The following HSD17B1 variants were observed in gnomAD, a reference collection of about 807,000 sequenced individuals.
HSD17B1 encodes the protein 17-beta-hydroxysteroid dehydrogenase type 1.
A neutral mutation model predicts 22.7 loss-of-function variants in HSD17B1; 16 were observed. The observed-to-expected ratio is 0.71, with a 90% CI of 0.48 to 1.07. The LOEUF is 1.07. Ranked by LOEUF, HSD17B1 falls within the 50% of genes least tolerant of loss-of-function variation. The probability of loss-of-function intolerance (pLI) is 0.00; values close to 1 mark genes in which losing one functional copy is unlikely to be tolerated. For missense variants in HSD17B1, 533 were observed against 459.9 expected (o/e 1.16, Z -1.45); for synonymous variants, 243 against 211.0 (o/e 1.15, Z -1.31).
Position 42,554,531 on chromosome 17 carries a change from C to G in HSD17B1, c.666C>G (p.His222Gln). The G allele has an allele frequency of 6.2e-7, 1 of 1,614,088 alleles. No individual in the cohort carries two copies. The highest frequency in any genetic ancestry group is 8.5e-7 in the Non-Finnish European group (1 of 1,179,930). The change falls in exon 5 of 6, where the codon CAC (histidine) becomes CAG (glutamine). Residue 222 changes from histidine (H) to glutamine (Q), a missense_variant. By Grantham distance (24) the His-to-Gln change is conservative. Transcript: ENST00000585807. ...ACCGCTTCTACCAATACCTCGCCCA[C>G]AGCAAGCAAGTCTTTCGCGAGGCGG... ...TFHRFYQYLA[H>Q]SKQVFREAAQ...
At chr17:42,554,135 C>G in intron 4 of HSD17B1, 1 of 638,144 alleles carries the variant, frequency 1.6e-6, no homozygotes, top group Non-Finnish European at 2.7e-6. Flanking sequence ...GGCCCAAGGT[C>G]ACACAGCGGC....
Position 42,553,588 on chromosome 17 carries a change from T to A in HSD17B1, c.415T>A (p.Leu139Met). 6.2e-7 allele frequency: 1 copy of A among 1,611,254 alleles called. No homozygotes were observed. Among genetic ancestry groups the A allele is most frequent in the African/African-American group, 1.3e-5 (1 of 74,966 alleles). ...GAAGAGGCGCGGTTCGGGACGCGTG[T>A]TGGTGACCGGGAGCGTGGGAGGATT... Reference protein sequence around the residue: ...DMKRRGSGRVLVTGSVGGLMG... With the variant: ...DMKRRGSGRVMVTGSVGGLMG... The change falls in exon 3 of 6, where the codon TTG becomes ATG. Residue 139 changes from leucine (L) to methionine (M), a missense_variant. Transcript: ENST00000585807.
At position 42,554,864 on chromosome 17, in the gene HSD17B1, G is replaced by T; in HGVS notation, c.913G>T (p.Gly305Trp). The change falls in exon 6 of 6, where the codon GGG becomes TGG. Residue 305 changes from glycine (G) to tryptophan (W), a missense_variant. By Grantham distance (184) the Gly-to-Trp change is radical (BLOSUM62 -2). Transcript: ENST00000585807. ...CGAGGCTGGGGGCGGGGCCGGGCCT[G>T]GGGCAGAGGACGAGGCCGGGCGCGG... is the stretch of plus-strand genomic sequence containing the variant. Reference protein sequence around the residue: ...GAEAGGGAGPGAEDEAGRGAV... With the variant: ...GAEAGGGAGPWAEDEAGRGAV... 6.3e-7 allele frequency: 1 copy of T among 1,577,986 alleles called. No homozygotes were observed. The highest frequency in any genetic ancestry group is 1.7e-4 in the Middle Eastern group (1 of 5,880).
Position 42,553,022 on chromosome 17 carries a change from G to T in HSD17B1, c.89G>T (p.Ser30Ile). ...CGTCTGGCTTCAGATCCATCCCAGA[G>T]CTTCAAAGGTATAGATAGGCAGGGA... ...AVRLASDPSQ[S>I]FKVYATLRDL... The change falls in exon 1 of 6, where the codon AGC (serine) becomes ATC (isoleucine). Residue 30 changes from serine (S) to isoleucine (I), a missense_variant. Ser to Ile is a moderately radical substitution (Grantham distance 142). Coordinates refer to ENST00000585807, the MANE Select transcript of HSD17B1 (RefSeq NM_000413.4). 1.2e-6 allele frequency: 2 copies of T among 1,614,188 alleles called. No individual in the cohort carries two copies. The highest frequency in any genetic ancestry group is 4.5e-5 in the East Asian group (2 of 44,892).
At chr17:42,553,970 G>T (rs966865899) in intron 4 of HSD17B1, 83 bp downstream of exon 4, 54 of 1,222,262 alleles carry the variant, frequency 4.4e-5, no homozygotes, top group Non-Finnish European at 6.0e-5. Context: ...AGCCGCTCTG[G>T]GGCGATCTCC....
rs546881605 is a variant in HSD17B1 at position 42,554,962 on chromosome 17, C to T, written c.*24C>T. The T allele has an allele frequency of 3.3e-5, 47 of 1,445,072 alleles. No individual in the cohort carries two copies. In the South Asian group the frequency reaches 6.1e-4, roughly 19 times the overall value. The allele number at this position is 1,445,072 out of a possible 1,614,324, so 89.5% of individuals were successfully genotyped here. On this transcript the variant is annotated 3_prime_UTR_variant, in exon 6 of 6. Coordinates refer to ENST00000585807, the MANE Select transcript of HSD17B1 (RefSeq NM_000413.4). ...AAAGGCTTCCTCAGCCGCTGTCTCCCGCGCCCTTCTTTGTCCCCTGGGTCT... is the reference window on the plus strand; with the variant it reads ...AAAGGCTTCCTCAGCCGCTGTCTCCTGCGCCCTTCTTTGTCCCCTGGGTCT...
rs374810645 is a variant in HSD17B1, at chr17:42,553,447, G to A, written c.274G>A (p.Ala92Thr). 1.9e-5 allele frequency: 31 copies of A among 1,612,532 alleles called. No homozygotes were observed. The highest frequency in any genetic ancestry group is 9.3e-5 in the African/African-American group (7 of 74,936). Reference sequence around the variant, plus strand: ...GCCTCTTGTCTCCGCAGTGTGTAACGCAGGCCTGGGCCTGCTGGGGCCGCT... The same window carrying A: ...GCCTCTTGTCTCCGCAGTGTGTAACACAGGCCTGGGCCTGCTGGGGCCGCT... Reference protein sequence around the residue: ...EGRVDVLVCNAGLGLLGPLEA... With the variant: ...EGRVDVLVCNTGLGLLGPLEA... Residue 92 changes from alanine (A) to threonine (T), a missense_variant, in exon 3 of 6, where the codon GCA becomes ACA. Ala to Thr is a moderately conservative substitution (Grantham distance 58). Coordinates refer to ENST00000585807, the MANE Select transcript of HSD17B1 (RefSeq NM_000413.4).
At chr17:42,554,352 C>CT (rs1326308532) in intron 4 of HSD17B1, 53 bp from the exon 5 acceptor site, 2 of 1,525,192 alleles carry the variant, frequency 1.3e-6, no homozygotes, top group East Asian at 4.9e-5. Context: ...GGGGCTGGGA[C>CT]TGGGGCCTGG....
At position 42,552,993 on chromosome 17, in the gene HSD17B1, C is replaced by A; in HGVS notation, c.60C>A (p.Ala20=). The change falls in exon 1 of 6, where the codon GCC becomes GCA. Residue 20 remains alanine, a synonymous_variant. Transcript: ENST00000585807. ...CCTCGGGCATCGGCCTGCACTTGGC[C>A]GTACGTCTGGCTTCAGATCCATCCC... is the stretch of plus-strand genomic sequence containing the variant. The part of the protein sequence containing the change: ...GCSSGIGLHL[A]VRLASDPSQS... 2 of 1,614,138 alleles carry A rather than the reference C, an allele frequency of 1.2e-6. No homozygotes were observed. Among genetic ancestry groups the A allele is most frequent in the Non-Finnish European group, 8.5e-7 (1 of 1,180,014 alleles).
rs536348010 is a variant in HSD17B1 at position 42,553,547 on chromosome 17, C to G, written c.374C>G (p.Ala125Gly). 1.2e-6 allele frequency: 2 copies of G among 1,613,854 alleles called. No homozygotes were observed. Among genetic ancestry groups the G allele is most frequent in the South Asian group, 1.1e-5 (1 of 91,074 alleles). The change falls in exon 3 of 6, where the codon GCC becomes GGC. Residue 125 changes from alanine to glycine, a missense_variant. Physicochemically the swap from Ala to Gly is moderately conservative, Grantham distance 60. Transcript: ENST00000585807. ...NVVGTVRMLQ[A>G]FLPDMKRRGS... ...GTAGGGACTGTGCGGATGCTGCAGGCCTTCCTGCCAGACATGAAGAGGCGC... is the reference window on the plus strand; with the variant it reads ...GTAGGGACTGTGCGGATGCTGCAGGGCTTCCTGCCAGACATGAAGAGGCGC...
chr17:42,553,991 C>A, intron 4 of HSD17B1, 104 bp downstream of exon 4: 1 of 1,018,930 alleles, frequency 9.8e-7, no homozygotes, highest in Non-Finnish European at 1.5e-6. Flanking sequence ...CTGGCCCTCT[C>A]TGCCCGGCTC....
At chr17:42,554,269 C>G in intron 4 of HSD17B1, 136 bp from the exon 5 acceptor site, 2 of 1,260,766 alleles carry the variant, frequency 1.6e-6, no homozygotes, top group Non-Finnish European at 2.1e-6. Context: ...GCGCCCTTTC[C>G]GCCTCACTTC....
rs768908328 is a variant in HSD17B1 at position 42,553,040 on chromosome 17, G to A, written c.97+10G>A. 27 of 1,614,010 alleles carry A rather than the reference G, an allele frequency of 1.7e-5. No individual in the cohort carries two copies. Among genetic ancestry groups the A allele is most frequent in the Non-Finnish European group, 1.9e-5 (22 of 1,179,996 alleles). Reference sequence around the variant, plus strand: ...TCCCAGAGCTTCAAAGGTATAGATAGGCAGGGACAGGGAGGGAGAGAAGGG... The same window carrying A: ...TCCCAGAGCTTCAAAGGTATAGATAAGCAGGGACAGGGAGGGAGAGAAGGG... On this transcript the variant is annotated intron_variant, in intron 1 of 5. Coordinates refer to ENST00000585807, the MANE Select transcript of HSD17B1 (RefSeq NM_000413.4).
At position 42,555,199 on chromosome 17, in the gene HSD17B1, G is replaced by A; in HGVS notation, c.*261G>A. 1 of 581,606 alleles carries A rather than the reference G, an allele frequency of 1.7e-6. No homozygotes were observed. The highest frequency in any genetic ancestry group is 2.6e-6 in the Non-Finnish European group (1 of 378,386). The allele number at this position is 581,606 out of a possible 1,614,324, so 36.0% of individuals were successfully genotyped here. A position where few individuals can be genotyped will look rare whatever the true frequency, so the allele number is the denominator to read the frequency against. ...AGACCCCCATCTCTACAAAAATAAA[G>A]AAAATTTAAAAATCAGCACAGTGGC... On this transcript the variant is annotated 3_prime_UTR_variant, in exon 6 of 6. Transcript: ENST00000585807.
Position 42,553,819 on chromosome 17 carries a change from C to A in HSD17B1, c.471C>A (p.Cys157Ter). ...GGCTGCCTTTCAATGACGTTTATTG[C>A]GCCAGCAAGTTCGCGCTCGAAGGCT... Reference protein sequence around the residue: ...LMGLPFNDVYCASKFALEGLC... With the variant: ...LMGLPFNDVY Residue 157 changes from cysteine (C) to a stop codon, truncating the protein, a stop_gained, in exon 4 of 6, where the codon TGC (cysteine) becomes TGA (stop). Coordinates refer to ENST00000585807, the MANE Select transcript of HSD17B1 (RefSeq NM_000413.4). LOFTEE classifies it high-confidence loss of function. 2.5e-6 allele frequency: 4 copies of A among 1,612,932 alleles called. No individual in the cohort carries two copies. The South Asian group carries it at 3.3e-5, about 13-fold the overall frequency.
chr17:42,554,732 C>G lies in HSD17B1; in HGVS notation c.781C>G (p.Leu261Val). 1.2e-6 allele frequency: 2 copies of G among 1,603,858 alleles called. No homozygotes were observed. The highest frequency in any genetic ancestry group is 1.7e-6 in the Non-Finnish European group (2 of 1,179,754). ...GCGCTACTTCACCACCGAGCGCTTCCTGCCCCTGCTGCGGATGCGCCTGGA... is the reference window on the plus strand; with the variant it reads ...GCGCTACTTCACCACCGAGCGCTTCGTGCCCCTGCTGCGGATGCGCCTGGA... ...TLRYFTTERF[L>V]PLLRMRLDDP... is the part of the protein sequence containing the mutation. The change falls in exon 6 of 6, where the codon CTG becomes GTG. Residue 261 changes from leucine (L) to valine (V), a missense_variant. Transcript: ENST00000585807.
intron 2 of HSD17B1, 64 bp from the exon 3 acceptor site, chr17:42,553,375 C>G: frequency 6.2e-7 from 1 of 1,604,918 alleles, no homozygotes; most frequent in Non-Finnish European, 8.5e-7. Flanking sequence ...CCAGGGAGCA[C>G]GAGGGGACAG....
At chr17:42,553,390 T>C in intron 2 of HSD17B1, 49 bp from the exon 3 acceptor site, 1 of 1,607,138 alleles carries the variant, frequency 6.2e-7, no homozygotes, top group East Asian at 2.2e-5. Context: ...GGACAGGCCG[T>C]GCTGAGGGTG....
At position 42,554,580 on chromosome 17, in the gene HSD17B1, G is replaced by A. The variant is rs758467278; in HGVS notation, c.715G>A (p.Glu239Lys). Reference sequence around the variant, plus strand: ...GGCGCAGAACCCTGAGGAGGTGGCGGAGGTGAGCGCCGGGCTGGACTCCAG... The same window carrying A: ...GGCGCAGAACCCTGAGGAGGTGGCGAAGGTGAGCGCCGGGCTGGACTCCAG... ...EAAQNPEEVAEVFLTALRAPK... is the reference protein window; with the variant it reads ...EAAQNPEEVAKVFLTALRAPK... Residue 239 changes from glutamate to lysine, a missense_variant and splice_region_variant, in exon 5 of 6, where the codon GAG (glutamate) becomes AAG (lysine). By Grantham distance (56) the Glu-to-Lys change is moderately conservative (BLOSUM62 1). Coordinates refer to ENST00000585807, the MANE Select transcript of HSD17B1 (RefSeq NM_000413.4). The A allele has an allele frequency of 6.2e-7, 1 of 1,613,254 alleles. No homozygotes were observed. The highest frequency in any genetic ancestry group is 2.2e-5 in the East Asian group (1 of 44,864).
Sources: allele counts gnomAD v4.1 joint callset, GRCh38; gene constraint gnomAD v4.1.1; transcripts MANE v1.5; gene names NCBI Gene and HGNC (gene_info 2026-07-23, HGNC 2026-07-21).